STARD3NL: variants seen among roughly 807,000 people sequenced by gnomAD.
STARD3NL encodes the protein STARD3 N-terminal like.
Under a neutral mutation model 30.9 loss-of-function variants are expected in STARD3NL, and 17 were observed. The ratio of observed to expected loss-of-function variants is 0.55; its 90% confidence interval spans 0.38 to 0.82. STARD3NL has a LOEUF of 0.82. Among genes scored for constraint, STARD3NL ranks in the 40% least tolerant of loss-of-function variants. STARD3NL has a pLI of 0.00. For synonymous variants in STARD3NL, 112 were observed against 100.5 expected, an observed-to-expected ratio of 1.11 and a Z score of -0.69; for missense variants, 234 against 277.6, an observed-to-expected ratio of 0.84 and a Z score of 1.12.
intron 1 of STARD3NL, among the ~76,000 whole-genome samples, chr7:38,180,904 A>C (rs1784219136): frequency 6.6e-6 from 1 of 152,170 alleles, no homozygotes; most frequent in South Asian, 2.1e-4. Context: ...CACCCTGCTC[A>C]TTTTCAGGCT....
intron 2 of STARD3NL, among the ~76,000 whole-genome samples, chr7:38,211,169 T>C (rs1195668586): frequency 1.3e-5 from 2 of 152,224 alleles, no homozygotes; most frequent in African/African-American, 4.8e-5. Context: ...CAGGTACTTA[T>C]TACCCTGCTA....
chr7:38,197,149 T>TTTCTTTCTTTCC, intron 1 of STARD3NL, among the ~76,000 whole-genome samples: 1 of 142,664 alleles, frequency 7.0e-6, no homozygotes, highest in African/African-American at 2.6e-5. Flanking sequence ...TCTTTCTTTC[T>TTTCTTTCTTTCC]TTCTTTCTTT....
chr7:38,221,256 T>C (rs1312629452), intron 7 of STARD3NL, among the ~76,000 whole-genome samples: 1 of 152,204 alleles, frequency 6.6e-6, no homozygotes, highest in Non-Finnish European at 1.5e-5. Flanking sequence ...TTTTTAAGTG[T>C]CAGGTGCTGT....
At chr7:38,210,575 G>T (rs1007022782) in intron 2 of STARD3NL, among the ~76,000 whole-genome samples, 1 of 152,106 alleles carries the variant, frequency 6.6e-6, no homozygotes, top group Non-Finnish European at 1.5e-5. Context: ...TCAAAAGGAT[G>T]GTTTTGATTC....
At chr7:38,195,745 A>C (rs1784872513) in intron 1 of STARD3NL, among the ~76,000 whole-genome samples, 2 of 152,188 alleles carry the variant, frequency 1.3e-5, no homozygotes, top group South Asian at 4.1e-4. Flanking sequence ...CCACTTGCAT[A>C]CCATGTACAG....
intron 1 of STARD3NL, among the ~76,000 whole-genome samples, chr7:38,203,513 A>G (rs891711252): frequency 2.0e-4 from 31 of 152,238 alleles, no homozygotes; most frequent in African/African-American, 7.0e-4. Flanking sequence ...GATACCAGCC[A>G]CTGCAAAAAC....
At chr7:38,208,562 T>C (rs965733478) in intron 2 of STARD3NL, among the ~76,000 whole-genome samples, 2 of 152,228 alleles carry the variant, frequency 1.3e-5, no homozygotes, top group Non-Finnish European at 2.9e-5. Context: ...TCTGATTGTT[T>C]ACATTTCTTA....
At chr7:38,226,182 A>G (rs1786757908) in intron 7 of STARD3NL, among the ~76,000 whole-genome samples, 1 of 129,388 alleles carries the variant, frequency 7.7e-6, no homozygotes, top group Non-Finnish European at 1.7e-5. Context: ...TTTGATGAAA[A>G]GTATTTTGCT....
At chr7:38,209,817 CCT>C (rs961429548) in intron 2 of STARD3NL, among the ~76,000 whole-genome samples, 80 of 152,222 alleles carry the variant, frequency 5.3e-4, no homozygotes, top group African/African-American at 1.9e-3. Context: ...TAGGCTGCCC[CCT>C]GTTCTTGTTC....
At chr7:38,180,194 T>C (rs1327285379) in intron 1 of STARD3NL, among the ~76,000 whole-genome samples, 2 of 152,248 alleles carry the variant, frequency 1.3e-5, no homozygotes, top group Non-Finnish European at 2.9e-5. Flanking sequence ...TAATTTATTG[T>C]GTATATATTT....
At chr7:38,222,866 A>G (rs1786546714) in intron 7 of STARD3NL, among the ~76,000 whole-genome samples, 1 of 152,204 alleles carries the variant, frequency 6.6e-6, no homozygotes, top group Non-Finnish European at 1.5e-5. Context: ...CAATTTAGGA[A>G]AGAATTAAAA....
At chr7:38,182,084 A>G (rs191168317) in intron 1 of STARD3NL, among the ~76,000 whole-genome samples, 3 of 152,316 alleles carry the variant, frequency 2.0e-5, no homozygotes, top group Non-Finnish European at 2.9e-5. Flanking sequence ...TTGTACTATT[A>G]CATACACAGG....
intron 1 of STARD3NL, among the ~76,000 whole-genome samples, chr7:38,187,358 T>C (rs143235534): frequency 2.1e-3 from 314 of 152,366 alleles, no homozygotes; most frequent in African/African-American, 7.4e-3. Flanking sequence ...ACAGTCCTAG[T>C]GGTGTAGTTA....
At chr7:38,221,230 T>A (rs1204561633) in intron 7 of STARD3NL, among the ~76,000 whole-genome samples, 1 of 152,240 alleles carries the variant, frequency 6.6e-6, no homozygotes, top group Non-Finnish European at 1.5e-5. Context: ...CCACTATTTT[T>A]AAAATTGCTA....
rs116002719 is a variant in STARD3NL at position 38,187,301 on chromosome 7, A to C, written c.-59+8881A>C. Among the ~76,000 whole-genome samples, 1,307 of 152,306 alleles carry C rather than the reference A, an allele frequency of 8.6e-3. 22 individuals are homozygous for C. Among genetic ancestry groups the C allele is most frequent in the African/African-American group, 0.029 (1,218 of 41,564 alleles). Reference sequence around the variant, plus strand: ...ATGGAACAACTTATATACATTGTCAAATGCCTTTCTTCTTTCTGGCTTGCT... The same window carrying C: ...ATGGAACAACTTATATACATTGTCACATGCCTTTCTTCTTTCTGGCTTGCT... On this transcript the variant is annotated intron_variant, in intron 1 of 8. Transcript: ENST00000009041.
chr7:38,207,384 G>C (rs913091345), intron 1 of STARD3NL, 63 bp from the exon 2 acceptor site: 18 of 730,728 alleles, frequency 2.5e-5, no homozygotes, highest in Non-Finnish European at 3.8e-5. Context: ...CAGTGGAGAG[G>C]GTTGCACAGT....
chr7:38,211,438 G>A (rs1041854559), intron 2 of STARD3NL, among the ~76,000 whole-genome samples: 1 of 152,156 alleles, frequency 6.6e-6, no homozygotes, highest in African/African-American at 2.4e-5. Context: ...AGGAGTGAGT[G>A]CTTATGTGTG....
At chr7:38,184,454 A>G (rs540910240) in intron 1 of STARD3NL, among the ~76,000 whole-genome samples, 1 of 151,858 alleles carries the variant, frequency 6.6e-6, no homozygotes, top group East Asian at 1.9e-4. Context: ...GCTTACAGTC[A>G]TGGCAGAAAA....
intron 7 of STARD3NL, among the ~76,000 whole-genome samples, chr7:38,225,326 C>T (rs1786696711): frequency 6.6e-6 from 1 of 152,042 alleles, no homozygotes; most frequent in African/African-American, 2.4e-5. Flanking sequence ...TTTTGAAGCA[C>T]AAGTTTTAAA....
Sources: gnomAD v4.1 joint callset for allele counts (sites outside exome capture counted in the v4.1 genomes callset) on GRCh38, gnomAD v4.1.1 for gene constraint, MANE v1.5 for transcripts, NCBI Gene and HGNC (gene_info 2026-07-23, HGNC 2026-07-21) for gene names.